Variants in SRSF1 observed in about 807,000 individuals in gnomAD.
SRSF1 encodes the protein serine and arginine rich splicing factor 1, also known as serine/arginine-rich splicing factor 1.
SRSF1 carries 1 observed loss-of-function variant against 25.9 expected under a neutral mutation model. The ratio of observed to expected loss-of-function variants is 0.04; its 90% CI spans 0.01 to 0.18. The LOEUF (loss-of-function observed/expected upper bound fraction) is 0.18, where lower values mean the gene tolerates loss of function less well. Ranked by LOEUF, SRSF1 falls within the 10% of genes least tolerant of loss-of-function variation. The pLI is 1.00. For synonymous variants in SRSF1, 132 were observed against 126.2 expected (o/e 1.05, Z -0.31); for missense variants, 65 against 350.5 (o/e 0.19, Z 6.50).
the SRSF1 span, chr17:57,989,137 TGAGGTGACCCCA>T: frequency 2.5e-6 from 1 of 398,520 alleles, no homozygotes; most frequent in East Asian, 3.6e-5. Context: ...CAGATGTCAC[TGAGGTGACCCCA>T]GCCTGTTTGC....
At chr17:57,996,936 C>T (rs993654487), downstream of SRSF1, among the ~76,000 whole-genome samples, 1 of 152,030 alleles carries the variant, frequency 6.6e-6, no homozygotes, top group African/African-American at 2.4e-5. Flanking sequence ...TGAATAGTTA[C>T]CAACAACAAA....
At chr17:57,995,571 G>C in the SRSF1 span, among the ~76,000 whole-genome samples, 13 of 152,218 alleles carry the variant, frequency 8.5e-5, no homozygotes, top group African/African-American at 3.1e-4. Flanking sequence ...ACAACCCTCA[G>C]CACACAGGGT....
intron 1 of SRSF1, 142 bp downstream of exon 1, chr17:58,006,802 C>G (rs1023512684): frequency 2.8e-6 from 3 of 1,087,038 alleles, no homozygotes; most frequent in Non-Finnish European, 2.6e-6. Flanking sequence ...CAGCTCCTTA[C>G]TCGACTCCTG....
rs2075434588 is a variant in SRSF1, at chr17:58,006,964, G to A, written c.174C>T (p.Phe58=). 1.2e-6 allele frequency: 2 copies of A among 1,614,246 alleles called. No individual in the cohort carries two copies. Among genetic ancestry groups the A allele is most frequent in the African/African-American group, 1.3e-5 (1 of 75,074 alleles). Reference sequence around the variant, plus strand: ...CTCACCGCGGGTCCTCGAACTCAACGAAGGCGAAGGGCGGTCCCCCGCGGC... The same window carrying A: ...CTCACCGCGGGTCCTCGAACTCAACAAAGGCGAAGGGCGGTCCCCCGCGGC... ...KNRRGGPPFA[F]VEFEDPRDAE... Residue 58 remains phenylalanine, a synonymous_variant, in exon 1 of 4, where the codon TTC becomes TTT. Transcript: ENST00000258962.
intron 1 of SRSF1, 120 bp from the exon 2 acceptor site, chr17:58,006,647 A>AT (rs2143489353): frequency 8.3e-7 from 1 of 1,205,302 alleles, no homozygotes; most frequent in East Asian, 2.6e-5. Flanking sequence ...CATGCGCCGC[A>AT]TAATAGGAAT....
chr17:57,998,983 TA>T (rs148335867), downstream of SRSF1, among the ~76,000 whole-genome samples: 177 of 152,292 alleles, frequency 1.2e-3, 5 homozygotes, highest in East Asian at 0.033. Context: ...CCATTTTTTA[TA>T]AAAGAAACCT....
At chr17:57,998,025 A>G (rs1257757482), downstream of SRSF1, among the ~76,000 whole-genome samples, 3 of 152,088 alleles carry the variant, frequency 2.0e-5, no homozygotes, top group African/African-American at 7.2e-5. Context: ...AGACCAGCTG[A>G]GCCAACATAG....
the SRSF1 span, chr17:57,993,860 T>TCACCTCCCTCCTCC: frequency 6.6e-6 from 1 of 152,278 alleles, no homozygotes; most frequent in Admixed American, 6.5e-5. Flanking sequence ...CTCCTCAACT[T>TCACCTCCCTCCTCC]CACCTCCCTC....
rs949192002 is a variant in SRSF1, at chr17:58,004,878, C to T, written c.*528G>A. The T allele has an allele frequency of 7.5e-6, 3 of 399,560 alleles. No individual in the cohort carries two copies. The highest frequency in any genetic ancestry group is 6.2e-5 in the African/African-American group (3 of 48,632). 24.8% of individuals were successfully genotyped at this position (399,560 alleles called of 1,614,324 possible). ...TAACCCCTGCCTTTTAGTATAAGGTCAATACTGCCAATTTCATCTGTGACA... is the reference window on the plus strand; with the variant it reads ...TAACCCCTGCCTTTTAGTATAAGGTTAATACTGCCAATTTCATCTGTGACA... On this transcript the variant is annotated 3_prime_UTR_variant, in exon 4 of 4. Transcript: ENST00000258962.
chr17:57,999,256 C>T (rs1343345655), downstream of SRSF1, among the ~76,000 whole-genome samples: 4 of 152,188 alleles, frequency 2.6e-5, no homozygotes, highest in Non-Finnish European at 5.9e-5. Flanking sequence ...AACTGCAGGT[C>T]TCTAAAAGCA....
the SRSF1 span, chr17:57,990,924 A>G: frequency 6.6e-6 from 1 of 152,212 alleles, no homozygotes; most frequent in Non-Finnish European, 1.5e-5. Context: ...TTAGAACAAA[A>G]TATCTACCTC....
the SRSF1 span, among the ~76,000 whole-genome samples, chr17:57,995,580 GTAA>G: frequency 6.6e-6 from 1 of 152,206 alleles, no homozygotes; most frequent in African/African-American, 2.4e-5. Flanking sequence ...AGCACACAGG[GTAA>G]GAACATGGAT....
Position 58,002,110 on chromosome 17 carries a change from T to A in SRSF1, c.*3296A>T, listed in dbSNP as rs1332734088. Among the ~76,000 whole-genome samples the A allele has an allele frequency of 3.3e-5, 5 of 152,312 alleles. No homozygotes were observed. Among genetic ancestry groups the A allele is most frequent in the Admixed American group, 6.5e-5 (1 of 15,294 alleles). On this transcript the variant is annotated 3_prime_UTR_variant, in exon 4 of 4. Coordinates refer to ENST00000258962, the MANE Select transcript of SRSF1 (RefSeq NM_006924.5). ...TCCCTTTAATAATCTGATGAATTTT[T>A]AAAATGTTCTACACATAAAACTTCT...
downstream of SRSF1, among the ~76,000 whole-genome samples, chr17:57,998,049 C>CT (rs1309655931): frequency 2.6e-5 from 4 of 152,064 alleles, no homozygotes; most frequent in African/African-American, 9.7e-5. Context: ...AACCCTGTCT[C>CT]TATGAAAAAT....
the SRSF1 span, chr17:57,993,421 T>G: frequency 6.6e-6 from 1 of 150,570 alleles, no homozygotes; most frequent in Admixed American, 6.6e-5. Context: ...AAGTTCTACA[T>G]TCAGTCATCT....
At chr17:57,998,683 A>G (rs2075373798), downstream of SRSF1, among the ~76,000 whole-genome samples, 1 of 152,204 alleles carries the variant, frequency 6.6e-6, no homozygotes, top group African/African-American at 2.4e-5. Flanking sequence ...CAAGACTACT[A>G]GTTAACAGTA....
In SRSF1 at chr17:58,007,171, C is replaced by G; in HGVS notation, c.-34G>C. On this transcript the variant is annotated 5_prime_UTR_variant, in exon 1 of 4. Coordinates refer to ENST00000258962, the MANE Select transcript of SRSF1 (RefSeq NM_006924.5). ...CGAAAAGCGCGGACTCGAGAACAGG[C>G]CTTCCCACCAAGCCTAGCGCACGGC... 2 of 1,610,700 alleles carry G rather than the reference C, an allele frequency of 1.2e-6. No homozygotes were observed. Among genetic ancestry groups the G allele is most frequent in the Non-Finnish European group, 1.7e-6 (2 of 1,178,482 alleles).
chr17:58,006,885 A>C, intron 1 of SRSF1, 59 bp downstream of exon 1: 1 of 1,586,992 alleles, frequency 6.3e-7, no homozygotes, highest in Non-Finnish European at 8.6e-7. Flanking sequence ...AAGGCCTTGG[A>C]GCCTTCCCCA....
chr17:57,999,098 A>C (rs888551984), downstream of SRSF1, among the ~76,000 whole-genome samples: 1 of 152,182 alleles, frequency 6.6e-6, no homozygotes. Context: ...TGACTTTTTG[A>C]TCACAAGACA....
Sources: gnomAD v4.1 joint callset for allele counts (sites outside exome capture counted in the v4.1 genomes callset) on GRCh38, gnomAD v4.1.1 for gene constraint, MANE v1.5 for transcripts, NCBI Gene and HGNC (gene_info 2026-07-23, HGNC 2026-07-21) for gene names.